The following YWHAE variants were observed in gnomAD, a reference collection of about 807,000 sequenced individuals.
YWHAE encodes the protein tyrosine 3-monooxygenase/tryptophan 5-monooxygenase activation protein epsilon.
YWHAE carries 4 observed loss-of-function variants against 30.1 expected under a neutral mutation model. That is an observed-to-expected ratio of 0.13 (90% CI 0.07 to 0.30). The LOEUF is 0.30. YWHAE is among the 10% of genes least tolerant of loss of function. The pLI is 1.00. For synonymous variants in YWHAE, 118 were observed against 111.8 expected (o/e 1.06, Z -0.35); for missense variants, 121 against 315.9 (o/e 0.38, Z 4.68).
intron 1 of YWHAE, among the ~76,000 whole-genome samples, chr17:1,397,460 T>C (rs1240618397): frequency 6.6e-6 from 1 of 152,176 alleles, no homozygotes; most frequent in East Asian, 1.9e-4. Context: ...ATAATCCATA[T>C]AAATTGATTC....
rs61089437 is a variant in YWHAE at position 1,388,574 on chromosome 17, C to CT, written c.64+11472dup. Among the ~76,000 whole-genome samples, 401 of 135,620 alleles carry CT rather than the reference C, an allele frequency of 3.0e-3. 1 individual carries two copies. The highest frequency in any genetic ancestry group is 5.5e-3 in the African/African-American group (204 of 37,336). The allele number at this position is 135,620 out of a possible 152,430, so 89.0% of individuals were successfully genotyped here. A position where few individuals can be genotyped will look rare whatever the true frequency, so the allele number is the denominator to read the frequency against. ...CAGGCATGAGCAAACCATGCCCAGCCTTTTTTTTTTTTTTTTTAATAGAAA... is the reference window on the plus strand; with the variant it reads ...CAGGCATGAGCAAACCATGCCCAGCCTTTTTTTTTTTTTTTTTTAATAGAAA... On this transcript the variant is annotated intron_variant, in intron 1 of 5. Coordinates refer to ENST00000264335, the MANE Select transcript of YWHAE (RefSeq NM_006761.5).
At chr17:1,349,523 A>G (rs1310025211) in intron 5 of YWHAE, among the ~76,000 whole-genome samples, 1 of 152,216 alleles carries the variant, frequency 6.6e-6, no homozygotes, top group African/African-American at 2.4e-5. Flanking sequence ...TATTTCACCT[A>G]ATAAAAATTA....
chr17:1,365,537 A>T (rs2072929018), intron 1 of YWHAE, among the ~76,000 whole-genome samples: 1 of 152,204 alleles, frequency 6.6e-6, no homozygotes. Flanking sequence ...CAGACTTTGG[A>T]TGTTTTCTAT....
intron 2 of YWHAE, among the ~76,000 whole-genome samples, chr17:1,363,486 G>C (rs1053769839): frequency 2.0e-5 from 3 of 151,966 alleles, no homozygotes; most frequent in Non-Finnish European, 2.9e-5. Context: ...GGCTGCTCTC[G>C]AACTCCTCAC....
chr17:1,382,888 G>A lies in YWHAE; in HGVS notation c.64+17159C>T, dbSNP rs116625744. On this transcript the variant is annotated intron_variant, in intron 1 of 5. Transcript: ENST00000264335. Reference sequence around the variant, plus strand: ...AATAATACAAAAATTATCCAGGTGTGTTGGCATATGACTGTAATTCCAGCT... The same window carrying A: ...AATAATACAAAAATTATCCAGGTGTATTGGCATATGACTGTAATTCCAGCT... Among the ~76,000 whole-genome samples, 255 of 152,000 alleles carry A rather than the reference G, an allele frequency of 1.7e-3. 1 individual carries two copies. Among genetic ancestry groups the A allele is most frequent in the African/African-American group, 5.8e-3 (242 of 41,450 alleles).
At chr17:1,399,992 T>G (rs1392824215) in intron 1 of YWHAE, 55 bp downstream of exon 1, 1 of 1,602,532 alleles carries the variant, frequency 6.2e-7, no homozygotes, top group Non-Finnish European at 8.5e-7. Flanking sequence ...CCGGCCTCTG[T>G]GGGCGGCGGC....
intron 4 of YWHAE, among the ~76,000 whole-genome samples, chr17:1,358,899 C>T (rs1429735301): frequency 2.7e-5 from 4 of 149,398 alleles, no homozygotes; most frequent in Non-Finnish European, 5.9e-5. Flanking sequence ...CTTTGGGAGG[C>T]CGAGGCGGGC....
chr17:1,395,069 TCAGTCACCCTTA>T (rs987497675), intron 1 of YWHAE, among the ~76,000 whole-genome samples: 12 of 151,860 alleles, frequency 7.9e-5, no homozygotes, highest in African/African-American at 2.7e-4. Context: ...GCCTGCAGTA[TCAGTCACCCTTA>T]CAGTCATCCA....
chr17:1,380,464 A>G (rs1027502948), intron 1 of YWHAE, among the ~76,000 whole-genome samples: 1 of 152,184 alleles, frequency 6.6e-6, no homozygotes, highest in Non-Finnish European at 1.5e-5. Context: ...CATAATCTCT[A>G]GGAGCTTGTT....
chr17:1,351,346 C>A (rs1375391442), intron 5 of YWHAE, among the ~76,000 whole-genome samples: 1 of 151,722 alleles, frequency 6.6e-6, no homozygotes. Context: ...CCACTGCACT[C>A]CAGCCTGGGT....
chr17:1,350,853 T>G (rs2072619009), intron 5 of YWHAE, among the ~76,000 whole-genome samples: 1 of 148,642 alleles, frequency 6.7e-6, no homozygotes, highest in Admixed American at 6.7e-5. Flanking sequence ...AGGTCAGGAG[T>G]TAGAGACCAG....
chr17:1,370,814 G>C (rs1296312942), intron 1 of YWHAE, among the ~76,000 whole-genome samples: 3 of 151,876 alleles, frequency 2.0e-5, no homozygotes, highest in Non-Finnish European at 1.5e-5. Flanking sequence ...GGCTAACAAG[G>C]TGAAAACCTC....
At chr17:1,378,791 C>T (rs945209911) in intron 1 of YWHAE, among the ~76,000 whole-genome samples, 1 of 151,934 alleles carries the variant, frequency 6.6e-6, no homozygotes, top group Non-Finnish European at 1.5e-5. Context: ...ACTAAAAATA[C>T]CAAAAATTAG....
intron 5 of YWHAE, among the ~76,000 whole-genome samples, chr17:1,351,378 CAA>C (rs1041790727): frequency 7.3e-6 from 1 of 137,498 alleles, no homozygotes; most frequent in African/African-American, 2.7e-5. Flanking sequence ...AACTCCATCT[CAA>C]AAAAAAAAAA....
At chr17:1,368,034 T>C (rs746338680) in intron 1 of YWHAE, among the ~76,000 whole-genome samples, 73 of 152,184 alleles carry the variant, frequency 4.8e-4, no homozygotes, top group Non-Finnish European at 9.0e-4. Context: ...GTGGATCACC[T>C]GAGGTCAGGA....
rs2072494806 is a variant in YWHAE at position 1,345,192 on chromosome 17, C to T, written c.*255G>A. 3 of 511,450 alleles carry T rather than the reference C, an allele frequency of 5.9e-6. No homozygotes were observed. The highest frequency in any genetic ancestry group is 3.9e-5 in the African/African-American group (2 of 51,052). 31.7% of individuals were successfully genotyped at this position (511,450 alleles called of 1,614,324 possible). On this transcript the variant is annotated 3_prime_UTR_variant, in exon 6 of 6. Coordinates refer to ENST00000264335, the MANE Select transcript of YWHAE (RefSeq NM_006761.5). ...CGACACAGTAATGCTGAAAAAGCCT[C>T]TATGTAGTCCTGTTAGTGTCTTAAA...
intron 1 of YWHAE, among the ~76,000 whole-genome samples, chr17:1,385,010 T>C (rs1417680791): frequency 1.3e-5 from 2 of 151,904 alleles, no homozygotes; most frequent in Admixed American, 1.3e-4. Context: ...GTTTGTTTTT[T>C]CTTTTTAGAG....
intron 3 of YWHAE, 61 bp from the exon 4 acceptor site, chr17:1,361,359 G>T: frequency 7.3e-7 from 1 of 1,376,490 alleles, no homozygotes; most frequent in Non-Finnish European, 9.9e-7. Context: ...ATTTTTAAAG[G>T]AAAATAAGCT....
intron 4 of YWHAE, among the ~76,000 whole-genome samples, chr17:1,359,611 T>A (rs1167179737): frequency 6.6e-6 from 1 of 151,978 alleles, no homozygotes; most frequent in African/African-American, 2.4e-5. Flanking sequence ...AAATATTATA[T>A]GATCCCACTT....
Sources: allele counts gnomAD v4.1 joint callset (sites outside exome capture counted in the v4.1 genomes callset), GRCh38; gene constraint gnomAD v4.1.1; transcripts MANE v1.5; gene names NCBI Gene and HGNC (gene_info 2026-07-23, HGNC 2026-07-21).